The following CACNA1C variants were observed in gnomAD, a reference collection of about 807,000 sequenced individuals.
CACNA1C encodes the protein calcium voltage-gated channel subunit alpha1 C.
In CACNA1C, 30 loss-of-function variants were observed where a neutral mutation model predicts 229.0. The ratio of observed to expected loss-of-function variants is 0.13; its 90% CI spans 0.10 to 0.18. CACNA1C has a LOEUF of 0.18. Among genes scored for constraint, CACNA1C ranks in the 10% least tolerant of loss-of-function variants. CACNA1C has a pLI of 1.00. For synonymous variants in CACNA1C, 1,114 were observed against 1,132.5 expected (o/e 0.98, Z 0.33); for missense variants, 1,658 against 2,845.0 (o/e 0.58, Z 9.49).
intron 3 of CACNA1C, among the ~76,000 whole-genome samples, chr12:2,231,275 A>G (rs1374615338): frequency 6.6e-6 from 1 of 152,214 alleles, no homozygotes; most frequent in Non-Finnish European, 1.5e-5. Context: ...CTTTTAACAT[A>G]ATAGGTGCTC....
At chr12:2,323,658 G>C (rs2096134419) in intron 3 of CACNA1C, among the ~76,000 whole-genome samples, 1 of 152,202 alleles carries the variant, frequency 6.6e-6, no homozygotes, top group South Asian at 2.1e-4. Context: ...TCCCTGCCCA[G>C]TGACAGCTCA....
chr12:2,333,238 CAG>C (rs1172242189), intron 3 of CACNA1C, among the ~76,000 whole-genome samples: 2 of 152,170 alleles, frequency 1.3e-5, no homozygotes, highest in Admixed American at 6.5e-5. Context: ...ATTGGAGAGA[CAG>C]AATGATTTAC....
At chr12:2,260,369 G>C (rs943897449) in intron 3 of CACNA1C, among the ~76,000 whole-genome samples, 1 of 151,734 alleles carries the variant, frequency 6.6e-6, no homozygotes, top group Non-Finnish European at 1.5e-5. Flanking sequence ...CCAGCTACCT[G>C]GGAGGTTGAG....
chr12:2,627,543 C>G (rs1159134269), intron 29 of CACNA1C, among the ~76,000 whole-genome samples: 4 of 152,048 alleles, frequency 2.6e-5, no homozygotes, highest in Non-Finnish European at 5.9e-5. Context: ...GGGCACAGCT[C>G]CCTCCCCCAC....
In CACNA1C at chr12:1,976,580, G is replaced by T. The variant is rs74059682; in HGVS notation, c.139+5379G>T. 1.6e-3 allele frequency among the ~76,000 whole-genome samples: 241 copies of T among 152,270 alleles called. 1 individual carries two copies. The highest frequency in any genetic ancestry group is 5.6e-3 in the African/African-American group (234 of 41,550). On this transcript the variant is annotated intron_variant, in intron 1 of 46. Transcript: ENST00000682462. The stretch of plus-strand genomic sequence containing the variant: ...CTTTAAGGTCTTGTCTTCCTGGGCA[G>T]ATCCCGAAGAGAAATGTATTCTGTT...
chr12:2,023,302 G>A (rs1485249322), intron 1 of CACNA1C, among the ~76,000 whole-genome samples: 1 of 152,172 alleles, frequency 6.6e-6, no homozygotes, highest in Non-Finnish European at 1.5e-5. Flanking sequence ...ATGGAGTGTA[G>A]GGTGTGGAGA....
chr12:2,271,062 C>T (rs903454476), intron 3 of CACNA1C, among the ~76,000 whole-genome samples: 3 of 152,188 alleles, frequency 2.0e-5, no homozygotes, highest in African/African-American at 7.2e-5. Flanking sequence ...CTGTCTCTTC[C>T]TCTTCTGAGT....
chr12:2,045,055 C>T (rs534297828), intron 1 of CACNA1C, among the ~76,000 whole-genome samples: 11 of 152,174 alleles, frequency 7.2e-5, no homozygotes, highest in African/African-American at 2.4e-4. Context: ...TGAATGCCAG[C>T]TGAAATATGG....
chr12:2,338,073 C>T (rs1183685939), intron 3 of CACNA1C, among the ~76,000 whole-genome samples: 1 of 152,152 alleles, frequency 6.6e-6, no homozygotes, highest in African/African-American at 2.4e-5. Flanking sequence ...CAGGACCCTA[C>T]ACTCCCCCTC....
chr12:2,358,606 GAAA>G (rs2097458506), intron 3 of CACNA1C, among the ~76,000 whole-genome samples: 1 of 152,132 alleles, frequency 6.6e-6, no homozygotes, highest in South Asian at 2.1e-4. Context: ...GAAAGGACTT[GAAA>G]GAAAGGAGAA....
chr12:1,973,895 T>G (rs575899779), intron 1 of CACNA1C, among the ~76,000 whole-genome samples: 17 of 152,346 alleles, frequency 1.1e-4, no homozygotes, highest in Admixed American at 5.9e-4. Flanking sequence ...GAGTCCCTAA[T>G]ACATCTTTTC....
chr12:2,651,515 A>G lies in CACNA1C; in HGVS notation c.3946-125A>G. 1.4e-6 allele frequency: 2 copies of G among 1,422,874 alleles called. No homozygotes were observed. Among genetic ancestry groups the G allele is most frequent in the South Asian group, 1.2e-5 (1 of 84,808 alleles). 88.1% of individuals were successfully genotyped at this position (1,422,874 alleles called of 1,614,324 possible). A position where few individuals can be genotyped will look rare whatever the true frequency, so the allele number is the denominator to read the frequency against. Reference sequence around the variant, plus strand: ...GCCCTCCCATCGGAGGGGGAAGTCTAGTGCAGCAAACCCTGGCCTGCCTTC... The same window carrying G: ...GCCCTCCCATCGGAGGGGGAAGTCTGGTGCAGCAAACCCTGGCCTGCCTTC... On this transcript the variant is annotated intron_variant, in intron 31 of 46. Transcript: ENST00000399655. The surrounding 1 kb of genome is among the most constrained non-coding windows in gnomAD (Gnocchi z 5.4).
At chr12:2,438,241 G>A (rs1278078188) in intron 3 of CACNA1C, among the ~76,000 whole-genome samples, 1 of 148,808 alleles carries the variant, frequency 6.7e-6, no homozygotes, top group East Asian at 2.0e-4. Flanking sequence ...TGGTGGGGAT[G>A]GTGATGATAA....
intron 9 of CACNA1C, among the ~76,000 whole-genome samples, chr12:2,542,986 G>C (rs1448338051): frequency 1.3e-5 from 2 of 152,192 alleles, no homozygotes; most frequent in Non-Finnish European, 2.9e-5. Context: ...CCAGAATACA[G>C]ACTGGTCATT....
At chr12:2,641,004 T>C (rs567519637) in intron 30 of CACNA1C, among the ~76,000 whole-genome samples, 95 of 152,310 alleles carry the variant, frequency 6.2e-4, no homozygotes, top group African/African-American at 2.2e-3. Context: ...TCTGCCTTTG[T>C]GGCTGTAACC....
rs571003051 is a variant in CACNA1C, at chr12:2,588,016, C to T, written c.2530+2112C>T. 2.6e-5 allele frequency among the ~76,000 whole-genome samples: 4 copies of T among 152,312 alleles called. No individual in the cohort carries two copies. In the South Asian group the frequency reaches 8.3e-4, roughly 32 times the overall value. On this transcript the variant is annotated intron_variant, in intron 18 of 46. Coordinates refer to ENST00000399655, the MANE Select transcript of CACNA1C (RefSeq NM_000719.7). ...GTGGCCCCACACATCACTCTGCCCCCAAAGGCTAAGTTAGCTTGTGCTTCC... is the reference window on the plus strand; with the variant it reads ...GTGGCCCCACACATCACTCTGCCCCTAAAGGCTAAGTTAGCTTGTGCTTCC...
intron 1 of CACNA1C, among the ~76,000 whole-genome samples, chr12:2,000,266 T>G (rs1033498185): frequency 1.3e-5 from 2 of 152,214 alleles, no homozygotes; most frequent in Non-Finnish European, 2.9e-5. Flanking sequence ...GTGATAGAAC[T>G]AGGACTTTGC....
At chr12:2,593,626 G>T (rs1040368127) in intron 19 of CACNA1C, among the ~76,000 whole-genome samples, 1 of 152,198 alleles carries the variant, frequency 6.6e-6, no homozygotes, top group African/African-American at 2.4e-5. Context: ...AAAATGTGAT[G>T]TTAAACAATA....
At chr12:2,279,966 G>A (rs146736534) in intron 3 of CACNA1C, among the ~76,000 whole-genome samples, 1 of 152,222 alleles carries the variant, frequency 6.6e-6, no homozygotes, top group African/African-American at 2.4e-5. Context: ...AGTTACTGAG[G>A]GACAGCTGCA....
Sources: allele counts gnomAD v4.1 joint callset (sites outside exome capture counted in the v4.1 genomes callset), GRCh38; gene constraint gnomAD v4.1.1; non-coding constraint Gnocchi (gnomAD v3.1); transcripts MANE v1.5; gene names NCBI Gene and HGNC (gene_info 2026-07-23, HGNC 2026-07-21).